Variants in NINL observed in about 807,000 individuals in gnomAD.
The protein encoded by NINL is ninein like, also known as ninein-like protein.
A neutral mutation model predicts 160.3 loss-of-function variants in NINL; 153 were observed. The ratio of observed to expected loss-of-function variants is 0.95; its 90% CI spans 0.84 to 1.09. NINL has a LOEUF of 1.09. Ranked by LOEUF, NINL falls within the 50% of genes least tolerant of loss-of-function variation. The pLI is 0.00. For missense variants in NINL, 1,829 were observed against 1,764.0 expected, an observed-to-expected ratio of 1.04 and a Z score of -0.66; for synonymous variants, 800 against 734.8, an observed-to-expected ratio of 1.09 and a Z score of -1.43.
At chr20:25,460,732 TA>T (rs1056230380) in intron 21 of NINL, among the ~76,000 whole-genome samples, 2 of 152,060 alleles carry the variant, frequency 1.3e-5, no homozygotes, top group African/African-American at 4.8e-5. Flanking sequence ...TCAGGACGTC[TA>T]GGGGGAGCCT....
rs367800539 is a variant in NINL, at chr20:25,512,784, T to C, written c.450+50A>G. 3.8e-5 allele frequency: 59 copies of C among 1,539,376 alleles called. No homozygotes were observed. In the African/African-American group the frequency reaches 8.0e-4, roughly 21 times the overall value. ...TACAAAAAGGGATGAAGGGAAGCAT[T>C]TGTTATTCCCAACACTGGGCAGCTG... On this transcript the variant is annotated intron_variant, in intron 4 of 23. Coordinates refer to ENST00000278886, the MANE Select transcript of NINL (RefSeq NM_025176.6).
rs1032465568 is a variant in NINL at position 25,479,341 on chromosome 20, G to A, written c.1918-135C>T. The A allele has an allele frequency of 1.5e-5, 17 of 1,112,688 alleles. No homozygotes were observed. In the Admixed American group the frequency reaches 3.1e-4, roughly 20 times the overall value. The allele number at this position is 1,112,688 out of a possible 1,614,324, so 68.9% of individuals were successfully genotyped here. ...TCCTGGCCTGCCGAGGTGCCAGGGT[G>A]TGCAGAAGGGGACAGTGACATGAAT... On this transcript the variant is annotated intron_variant, in intron 15 of 23. Transcript: ENST00000278886.
rs5841058 is a variant in NINL, at chr20:25,452,811, CT to C, written c.*639del. On this transcript the variant is annotated 3_prime_UTR_variant, in exon 24 of 24. Coordinates refer to ENST00000278886, the MANE Select transcript of NINL (RefSeq NM_025176.6). The stretch of plus-strand genomic sequence containing the variant: ...CATACATTTCAAATATAAAACTATA[CT>C]TTTTTTTTTTTTTACATATAGTACA... 3.2e-3 allele frequency: 467 copies of C among 144,676 alleles called. No individual in the cohort carries two copies. Among genetic ancestry groups the C allele is most frequent in the African/African-American group, 5.6e-3 (218 of 39,210 alleles). 9.0% of individuals were successfully genotyped at this position (144,676 alleles called of 1,614,324 possible).
At chr20:25,534,218 C>A (rs1230289065) in intron 1 of NINL, among the ~76,000 whole-genome samples, 1 of 152,168 alleles carries the variant, frequency 6.6e-6, no homozygotes, top group African/African-American at 2.4e-5. Flanking sequence ...AAATCCCCAA[C>A]AAAGCTTTGT....
chr20:25,555,384 T>C (rs574511091), intron 1 of NINL, among the ~76,000 whole-genome samples: 1 of 152,368 alleles, frequency 6.6e-6, no homozygotes, highest in East Asian at 1.9e-4. Flanking sequence ...ATAGAGGCTA[T>C]ATCTATTTAC....
intron 1 of NINL, among the ~76,000 whole-genome samples, chr20:25,574,823 T>C (rs1429833873): frequency 6.6e-6 from 1 of 152,060 alleles, no homozygotes; most frequent in East Asian, 1.9e-4. Flanking sequence ...AAATGTCACA[T>C]GCAAAGCTCC....
rs1568936078 is a variant in NINL, at chr20:25,517,865, G to GT, written c.181-17dup. 1 of 1,546,640 alleles carries GT rather than the reference G, an allele frequency of 6.5e-7. No homozygotes were observed. The highest frequency in any genetic ancestry group is 2.0e-5 in the Admixed American group (1 of 51,278). The stretch of plus-strand genomic sequence containing the variant: ...CAAAGTTAACCTGGGTGAATTGAAG[G>GT]TGAGAGAGGACAATGTCACTTTCAA... On this transcript the variant is annotated splice_polypyrimidine_tract_variant and intron_variant, in intron 2 of 23. Transcript: ENST00000278886.
At chr20:25,524,345 A>C (rs1240993243) in intron 2 of NINL, among the ~76,000 whole-genome samples, 1 of 152,240 alleles carries the variant, frequency 6.6e-6, no homozygotes, top group African/African-American at 2.4e-5. Context: ...CACTAGTGCA[A>C]ACAAAGTGAC....
chr20:25,453,730 C>A, intron 23 of NINL, 88 bp from the exon 24 acceptor site: 1 of 1,261,208 alleles, frequency 7.9e-7, no homozygotes, highest in South Asian at 1.5e-5. Context: ...CCCAGGTTTA[C>A]GCAAACCACA....
chr20:25,555,592 G>T (rs1486845781), intron 1 of NINL, among the ~76,000 whole-genome samples: 1 of 152,172 alleles, frequency 6.6e-6, no homozygotes, highest in Non-Finnish European at 1.5e-5. Context: ...CAGGCCAGAC[G>T]TGGTGGCTTC....
chr20:25,499,909 C>A (rs1214800813), intron 8 of NINL, among the ~76,000 whole-genome samples: 1 of 79,884 alleles, frequency 1.3e-5, no homozygotes, highest in South Asian at 4.5e-4. Context: ...AAGGGTCGCA[C>A]AAATTAGCAA....
At chr20:25,572,415 G>A (rs1231435991) in intron 1 of NINL, among the ~76,000 whole-genome samples, 1 of 152,084 alleles carries the variant, frequency 6.6e-6, no homozygotes, top group African/African-American at 2.4e-5. Flanking sequence ...TACGGTGCTT[G>A]CTTTTGTAAT....
At chr20:25,517,964 A>G (rs1412571577) in intron 2 of NINL, 115 bp from the exon 3 acceptor site, 1 of 560,442 alleles carries the variant, frequency 1.8e-6, no homozygotes, top group Non-Finnish European at 3.0e-6. Context: ...GCCTTTTAGA[A>G]TGAGAACATT....
intron 13 of NINL, among the ~76,000 whole-genome samples, chr20:25,487,924 C>T (rs540750588): frequency 6.6e-6 from 1 of 152,352 alleles, no homozygotes; most frequent in African/African-American, 2.4e-5. Context: ...TCTTGCAGAT[C>T]TAGAGAAACA....
chr20:25,462,837 G>A (rs754173154), intron 19 of NINL: 17 of 285,030 alleles, frequency 6.0e-5, no homozygotes, highest in South Asian at 5.7e-4. Flanking sequence ...TTTTTTGGTC[G>A]AGACAGGGTC....
At chr20:25,577,735 C>T (rs2065131485) in intron 1 of NINL, among the ~76,000 whole-genome samples, 1 of 152,126 alleles carries the variant, frequency 6.6e-6, no homozygotes, top group Non-Finnish European at 1.5e-5. Context: ...GCGGGGGAGC[C>T]CACCACCCCT....
intron 9 of NINL, 45 bp downstream of exon 9, chr20:25,498,165 G>A: frequency 6.2e-7 from 1 of 1,606,170 alleles, no homozygotes; most frequent in East Asian, 2.2e-5. Flanking sequence ...AGGCCCACCT[G>A]GCCAGCCACA....
chr20:25,532,993 ACTGCATTCAC>A (rs1267526986), intron 1 of NINL, among the ~76,000 whole-genome samples: 1 of 152,116 alleles, frequency 6.6e-6, no homozygotes, highest in Non-Finnish European at 1.5e-5. Flanking sequence ...TCCACAGAAG[ACTGCATTCAC>A]CTGGAAAGCG....
At chr20:25,518,435 C>G (rs1229575764) in intron 2 of NINL, among the ~76,000 whole-genome samples, 1 of 152,202 alleles carries the variant, frequency 6.6e-6, no homozygotes, top group Non-Finnish European at 1.5e-5. Context: ...TGCTCACACT[C>G]TTTAATACAG....
Sources: allele counts gnomAD v4.1 joint callset (sites outside exome capture counted in the v4.1 genomes callset), GRCh38; gene constraint gnomAD v4.1.1; transcripts MANE v1.5; gene names NCBI Gene and HGNC (gene_info 2026-07-23, HGNC 2026-07-21).